Variants in CDAN1 observed in about 807,000 individuals in gnomAD.
The protein encoded by CDAN1 is codanin-1.
CDAN1 carries 107 observed loss-of-function variants against 139.8 expected under a neutral mutation model. The ratio of observed to expected loss-of-function variants is 0.77; its 90% CI spans 0.65 to 0.90. The LOEUF is 0.90. Ranked by LOEUF, CDAN1 falls within the 40% of genes least tolerant of loss-of-function variation. The pLI is 0.00. For synonymous variants in CDAN1, 776 were observed against 660.6 expected (o/e 1.17, Z -2.68); for missense variants, 1,667 against 1,575.7 (o/e 1.06, Z -0.98).
Position 42,736,779 on chromosome 15 carries a change from T to A in CDAN1, c.92A>T (p.Asp31Val). 2 of 1,534,758 alleles carry A rather than the reference T, an allele frequency of 1.3e-6. No individual in the cohort carries two copies. Among genetic ancestry groups the A allele is most frequent in the Non-Finnish European group, 1.7e-6 (2 of 1,147,322 alleles). Residue 31 changes from aspartate to valine, a missense_variant and splice_region_variant, in exon 2 of 28, where the codon GAT (aspartate) becomes GTT (valine). This residue lies in a region of CDAN1 where 487 missense variants were observed against 422.2 expected (regional missense o/e 1.15). Transcript: ENST00000356231. ...CAGCGCGGCCGCCTCCCCAGCGTTA[T>A]CCTAGGGCAGAAGCACAGGTGGAGG... ...WIARSTQGSEDNAGEAAALSS... is the reference protein window; with the variant it reads ...WIARSTQGSEVNAGEAAALSS...
chr15:42,733,072 A>G, intron 9 of CDAN1, 25 bp downstream of exon 9: 1 of 1,609,526 alleles, frequency 6.2e-7, no homozygotes, highest in Non-Finnish European at 8.5e-7. Context: ...GCCAGGAACA[A>G]GAAAGACAAG....
intron 14 of CDAN1, 75 bp downstream of exon 14, chr15:42,730,523 C>A: frequency 6.4e-7 from 1 of 1,555,612 alleles, no homozygotes; most frequent in Non-Finnish European, 8.8e-7. Flanking sequence ...GCTCGACCCT[C>A]TTTATTAATA....
rs746612782 is a variant in CDAN1, at chr15:42,731,069, A to G, written c.1863T>C (p.Gly621=). 6.2e-7 allele frequency: 1 copy of G among 1,614,010 alleles called. No individual in the cohort carries two copies. The highest frequency in any genetic ancestry group is 8.5e-7 in the Non-Finnish European group (1 of 1,180,034). ...GCACCACAGCAAATTGCTTCCGCTC[A>G]CCCTGCATGGAATCAAGGGAAGTAA... ...EDGESDVDWQ[G]ERKQFAVVLL... is the part of the protein sequence containing the mutation. The change falls in exon 13 of 28, where the codon GGT becomes GGC. Residue 621 remains glycine, a splice_region_variant and synonymous_variant. Coordinates refer to ENST00000356231, the MANE Select transcript of CDAN1 (RefSeq NM_138477.4).
Position 42,725,144 on chromosome 15 carries a change from C to T in CDAN1, c.3558G>A (p.Gly1186=), listed in dbSNP as rs751868653. The T allele has an allele frequency of 3.7e-6, 6 of 1,611,332 alleles. No individual in the cohort carries two copies. The highest frequency in any genetic ancestry group is 2.2e-5 in the East Asian group (1 of 44,852). The part of the protein sequence containing the change: ...LGSLHQAQWP[G]DFAEELATLS... ...ACCTAAAAGACAGGAGACTCCTTAC[C>T]CCTGGCCACTGGGCCTGGTGGAGGC... Residue 1186 remains glycine (G), a splice_region_variant and synonymous_variant, in exon 27 of 28, where the codon GGG becomes GGA. Coordinates refer to ENST00000356231, the MANE Select transcript of CDAN1 (RefSeq NM_138477.4).
chr15:42,726,337 C>T lies in CDAN1; in HGVS notation c.3177G>A (p.Gln1059=). 1 of 1,592,648 alleles carries T rather than the reference C, an allele frequency of 6.3e-7. No homozygotes were observed. Among genetic ancestry groups the T allele is most frequent in the Non-Finnish European group, 8.5e-7 (1 of 1,169,744 alleles). ...GGCGGCACCGCAGCGTCTGGCCCAGCTGGCCTAGGAGCTGTTCCAGATGCT... is the reference window on the plus strand; with the variant it reads ...GGCGGCACCGCAGCGTCTGGCCCAGTTGGCCTAGGAGCTGTTCCAGATGCT... The part of the protein sequence containing the change: ...SPEHLEQLLG[Q]LGQTLRCRQF... Residue 1059 remains glutamine, a synonymous_variant, in exon 24 of 28, where the codon CAG becomes CAA. Coordinates refer to ENST00000356231, the MANE Select transcript of CDAN1 (RefSeq NM_138477.4).
Position 42,723,576 on chromosome 15 carries a change from T to C in CDAN1, c.*915A>G, listed in dbSNP as rs984498307. The C allele has an allele frequency of 1.3e-5, 2 of 152,084 alleles. No homozygotes were observed. The highest frequency in any genetic ancestry group is 1.5e-5 in the Non-Finnish European group (1 of 68,024). 9.4% of individuals were successfully genotyped at this position (152,084 alleles called of 1,614,324 possible). A position where few individuals can be genotyped will look rare whatever the true frequency, so the allele number is the denominator to read the frequency against. On this transcript the variant is annotated 3_prime_UTR_variant, in exon 28 of 28. Coordinates refer to ENST00000356231, the MANE Select transcript of CDAN1 (RefSeq NM_138477.4). ...TCAAGCCCTTGTTAAAGAAAACCAG[T>C]TTATTCTAAAAAGCTCTAAATGCCC...
rs920743807 is a variant in CDAN1, at chr15:42,727,666, A to C, written c.3051T>G (p.Cys1017Trp). 1.9e-5 allele frequency: 31 copies of C among 1,590,332 alleles called. No homozygotes were observed. The highest frequency in any genetic ancestry group is 2.7e-5 in the Non-Finnish European group (31 of 1,164,988). Residue 1017 changes from cysteine to tryptophan, a missense_variant, in exon 23 of 28, where the codon TGT becomes TGG. This residue lies in a region of CDAN1 where 936 missense variants were observed against 844.1 expected (regional missense o/e 1.11). Coordinates refer to ENST00000356231, the MANE Select transcript of CDAN1 (RefSeq NM_138477.4). ...RGERRGCSRA[C>W]EHHAPLPSHL... ...GGGAGGGGAGGGGAGCATGGTGCTCACAGGCGCGGGAGCAGCCCCTCCGCT... is the reference window on the plus strand; with the variant it reads ...GGGAGGGGAGGGGAGCATGGTGCTCCCAGGCGCGGGAGCAGCCCCTCCGCT...
rs1052097537 is a variant in CDAN1, at chr15:42,728,668, A to G, written c.2788T>C (p.Leu930=). The change falls in exon 20 of 28, where the codon TTG becomes CTG. Residue 930 remains leucine, a synonymous_variant. Transcript: ENST00000356231. ...GCTGCTTACTCCCGCCCCAGGGCCA[A>G]TGCCTGGGCCCCGTGAGGGCACAGC... ...SQLCPHGAQA[L]ALGREFCQRK... 1 of 1,614,004 alleles carries G rather than the reference A, an allele frequency of 6.2e-7. No individual in the cohort carries two copies. Among genetic ancestry groups the G allele is most frequent in the African/African-American group, 1.3e-5 (1 of 74,928 alleles).
Position 42,735,166 on chromosome 15 carries a change from C to T in CDAN1, c.1070G>A (p.Ser357Asn), listed in dbSNP as rs2061670446. The change falls in exon 6 of 28, where the codon AGT becomes AAT. Residue 357 changes from serine to asparagine, a missense_variant. By Grantham distance (46) the Ser-to-Asn change is conservative (BLOSUM62 1). Coordinates refer to ENST00000356231, the MANE Select transcript of CDAN1 (RefSeq NM_138477.4). ...LSPAVLDSLE[S>N]PLFQSIHDCV... ...ATCGTGGATGCTTTGGAACAGTGGA[C>T]TTTCCAGGGAATCTAGAAGGACAGT... 2 of 1,613,538 alleles carry T rather than the reference C, an allele frequency of 1.2e-6. No homozygotes were observed. Among genetic ancestry groups the T allele is most frequent in the African/African-American group, 1.3e-5 (1 of 74,916 alleles).
chr15:42,730,332 T>G, intron 14 of CDAN1, 117 bp from the exon 15 acceptor site: 1 of 1,050,936 alleles, frequency 9.5e-7, no homozygotes, highest in Non-Finnish European at 1.5e-6. Flanking sequence ...GGGGCCATGT[T>G]GGCAAGCAGG....
chr15:42,725,600 AAGCCTTCG>A lies in CDAN1; in HGVS notation c.3331_3338del (p.Arg1111SerfsTer77), dbSNP rs1318803254. 6.2e-7 allele frequency: 1 copy of A among 1,614,170 alleles called. No individual in the cohort carries two copies. Among genetic ancestry groups the A allele is most frequent in the Non-Finnish European group, 8.5e-7 (1 of 1,180,038 alleles). On this transcript the variant is annotated frameshift_variant, in exon 26 of 28. Transcript: ENST00000356231. LOFTEE classifies it high-confidence loss of function. ...TCCACAAGGAAAGCAGCATGTGCAG[AAGCCTTCG>A]AGCCTGCCCTCTCTCCAGCCTGTAC... is the stretch of plus-strand genomic sequence containing the variant.
chr15:42,727,730 G>C lies in CDAN1; in HGVS notation c.2987C>G (p.Thr996Arg), dbSNP rs2061549968. 1 of 1,588,556 alleles carries C rather than the reference G, an allele frequency of 6.3e-7. No individual in the cohort carries two copies. The highest frequency in any genetic ancestry group is 8.6e-7 in the Non-Finnish European group (1 of 1,164,092). ...RREVKAAVSR[T>R]LRAQGPEPAA... ...AGGTTCAGGACCCTGGGCTCGAAGTGTGCGACTCACTGCTGCTTTCACCTC... is the reference window on the plus strand; with the variant it reads ...AGGTTCAGGACCCTGGGCTCGAAGTCTGCGACTCACTGCTGCTTTCACCTC... The change falls in exon 23 of 28, where the codon ACA becomes AGA. Residue 996 changes from threonine to arginine, a missense_variant. Around this residue, in one of 3 missense-constraint regions of CDAN1, gnomAD observed 936 missense variants for 844.1 expected, o/e 1.11. Transcript: ENST00000356231.
rs2061544376 is a variant in CDAN1, at chr15:42,727,488, G to A, written c.3096+133C>T. 1.2e-5 allele frequency: 10 copies of A among 811,114 alleles called. No homozygotes were observed. The South Asian group carries it at 2.1e-4, about 17-fold the overall frequency. The allele number at this position is 811,114 out of a possible 1,614,324, so 50.2% of individuals were successfully genotyped here. On this transcript the variant is annotated intron_variant, in intron 23 of 27. Coordinates refer to ENST00000356231, the MANE Select transcript of CDAN1 (RefSeq NM_138477.4). ...ACCTAACCCCCATTCAGTAATGAGT[G>A]AAACGGGGACTAGCTGGACAGCACA...
At position 42,732,358 on chromosome 15, in the gene CDAN1, C is replaced by T. The variant is rs777602336; in HGVS notation, c.1508G>A (p.Arg503Gln). 8.1e-6 allele frequency: 13 copies of T among 1,614,036 alleles called. No homozygotes were observed. Among genetic ancestry groups the T allele is most frequent in the South Asian group, 4.4e-5 (4 of 91,080 alleles). The change falls in exon 10 of 28, where the codon CGG (arginine) becomes CAG (glutamine). Residue 503 changes from arginine to glutamine, a missense_variant. By Grantham distance (43) the Arg-to-Gln change is conservative. Transcript: ENST00000356231. ...SAACSHSHFV[R>Q]LFQKQLLQMC... ...CTGGAGTAGTTGTTTTTGGAAAAGC[C>T]GAACAAAGTGGCTGTGGCTGCAGGC...
rs1448698779 is a variant in CDAN1, at chr15:42,729,898, T to C, written c.2263-13A>G. ...GGACTGTGGGAATCTGGCAAGACAG[T>C]CACAATTCAGGTCAACTTCAGAGAC... On this transcript the variant is annotated splice_polypyrimidine_tract_variant and intron_variant, in intron 15 of 27. Coordinates refer to ENST00000356231, the MANE Select transcript of CDAN1 (RefSeq NM_138477.4). 1.9e-6 allele frequency: 3 copies of C among 1,608,064 alleles called. No homozygotes were observed. Among genetic ancestry groups the C allele is most frequent in the South Asian group, 1.1e-5 (1 of 90,668 alleles).
chr15:42,730,026 C>A, intron 15 of CDAN1, 102 bp downstream of exon 15: 5 of 1,297,160 alleles, frequency 3.9e-6, no homozygotes, highest in Non-Finnish European at 5.5e-6. Context: ...CTTTCCTGAA[C>A]CTTCGTCTTC....
At chr15:42,728,149 G>A (rs377606247) in intron 21 of CDAN1, 55 bp downstream of exon 21, 172 of 1,599,586 alleles carry the variant, frequency 1.1e-4, no homozygotes, top group Non-Finnish European at 1.4e-4. Context: ...AGACTACTCC[G>A]TGCACCTCCC....
At chr15:42,730,044 T>C (rs2061588302) in intron 15 of CDAN1, 84 bp downstream of exon 15, 1 of 1,381,488 alleles carries the variant, frequency 7.2e-7, no homozygotes, top group African/African-American at 1.4e-5. Context: ...TTCCAGCCCT[T>C]GCCTCATTCG....
At chr15:42,729,924 C>CCCCACCCA in intron 15 of CDAN1, 39 bp from the exon 16 acceptor site, 1 of 1,252,256 alleles carries the variant, frequency 8.0e-7, no homozygotes, top group Non-Finnish European at 1.1e-6. Flanking sequence ...CTTCAGAGAC[C>CCCCACCCA]CCCACCCAAC....
Sources: gnomAD v4.1 joint callset for allele counts on GRCh38, gnomAD v4.1.1 for gene constraint, gnomAD v4.1.1 regional missense constraint, MANE v1.5 for transcripts, NCBI Gene and HGNC (gene_info 2026-07-23, HGNC 2026-07-21) for gene names.